Variants in RABGAP1L observed in about 807,000 individuals in gnomAD.
RABGAP1L encodes rab GTPase-activating protein 1-like.
A neutral mutation model predicts 137.7 loss-of-function variants in RABGAP1L; 63 were observed. That is an observed-to-expected ratio of 0.46 (90% confidence interval 0.37 to 0.56). The LOEUF is 0.56. RABGAP1L is among the 20% of genes least tolerant of loss of function. The pLI, the probability that RABGAP1L is intolerant of heterozygous loss-of-function variation, is 0.00. For missense variants in RABGAP1L, 1,095 were observed against 1,244.0 expected (o/e 0.88, Z 1.80); for synonymous variants, 431 against 433.7 (o/e 0.99, Z 0.08).
chr1:174,348,431 CTATTTATTTTT>C (rs1235646660), intron 11 of RABGAP1L, among the ~76,000 whole-genome samples: 1,832 of 150,580 alleles, frequency 0.012, 47 homozygotes, highest in African/African-American at 0.043. Context: ...TTTGTTGTTT[CTATTTATTTTT>C]TATTTATTTA....
chr1:174,360,768 TTTAA>T (rs944382939), intron 11 of RABGAP1L, among the ~76,000 whole-genome samples: 16 of 152,284 alleles, frequency 1.1e-4, no homozygotes, highest in African/African-American at 3.4e-4. Flanking sequence ...ATTCTTGATT[TTTAA>T]TTAATTAATT....
intron 13 of RABGAP1L, among the ~76,000 whole-genome samples, chr1:174,395,914 G>T (rs1647791160): frequency 6.6e-6 from 1 of 151,558 alleles, no homozygotes. Flanking sequence ...AATGATTGAT[G>T]AGTGGGACTG....
rs1490513265 is a variant in RABGAP1L, at chr1:174,732,244, C to T, written c.2170-20069C>T. 2.0e-5 allele frequency among the ~76,000 whole-genome samples: 3 copies of T among 150,896 alleles called. No homozygotes were observed. The East Asian group carries it at 5.8e-4, about 29-fold the overall frequency. ...ATTGTTAGACTTGAAAGTAACTCTA[C>T]AGGTAGTTTAAGCCAATACCCCTTA... On this transcript the variant is annotated intron_variant, in intron 17 of 25. Transcript: ENST00000681986.
intron 19 of RABGAP1L, among the ~76,000 whole-genome samples, chr1:174,846,482 G>A (rs1393808052): frequency 3.5e-5 from 5 of 142,632 alleles, no homozygotes; most frequent in Non-Finnish European, 6.2e-5. Context: ...ATTTCGTTAC[G>A]TACCCAGTAG....
At chr1:174,476,427 T>C (rs993628562) in intron 13 of RABGAP1L, among the ~76,000 whole-genome samples, 2 of 152,184 alleles carry the variant, frequency 1.3e-5, no homozygotes, top group African/African-American at 4.8e-5. Context: ...TCAGTTTTTT[T>C]CCTAATTTAT....
At chr1:174,204,857 G>C (rs562481891) in intron 1 of RABGAP1L, among the ~76,000 whole-genome samples, 3 of 152,204 alleles carry the variant, frequency 2.0e-5, no homozygotes, top group African/African-American at 7.2e-5. Flanking sequence ...GCTCCTCCAT[G>C]GTAAGATGTG....
chr1:174,372,141 T>C (rs936480007), intron 12 of RABGAP1L, among the ~76,000 whole-genome samples: 1 of 152,140 alleles, frequency 6.6e-6, no homozygotes, highest in Non-Finnish European at 1.5e-5. Context: ...AGAGAACTTA[T>C]TTAACTCATT....
chr1:174,436,245 T>A (rs1653283618), intron 13 of RABGAP1L, among the ~76,000 whole-genome samples: 1 of 152,214 alleles, frequency 6.6e-6, no homozygotes, highest in Non-Finnish European at 1.5e-5. Context: ...ACTTCCACAA[T>A]GGTTGAACTA....
chr1:174,189,284 C>T (rs749153728), intron 1 of RABGAP1L, among the ~76,000 whole-genome samples: 6 of 152,146 alleles, frequency 3.9e-5, no homozygotes, highest in Non-Finnish European at 8.8e-5. Context: ...GGATTACAGG[C>T]GTGAGCCACG....
intron 13 of RABGAP1L, among the ~76,000 whole-genome samples, chr1:174,569,734 C>A (rs1667844629): frequency 1.3e-5 from 2 of 152,136 alleles, no homozygotes; most frequent in Admixed American, 1.3e-4. Flanking sequence ...GAGATGGATT[C>A]AAGAATTCAG....
intron 13 of RABGAP1L, among the ~76,000 whole-genome samples, chr1:174,566,725 T>C (rs1416515663): frequency 3.9e-5 from 6 of 152,218 alleles, no homozygotes; most frequent in Non-Finnish European, 8.8e-5. Flanking sequence ...AAGAGTCTTT[T>C]GTATTTATGT....
At chr1:174,802,668 T>G (rs558973372) in intron 18 of RABGAP1L, among the ~76,000 whole-genome samples, 1 of 152,350 alleles carries the variant, frequency 6.6e-6, no homozygotes, top group South Asian at 2.1e-4. Context: ...ATCTCTGGCT[T>G]TGTTTTACAC....
At chr1:174,196,028 G>C (rs1214186037) in intron 1 of RABGAP1L, among the ~76,000 whole-genome samples, 1 of 150,458 alleles carries the variant, frequency 6.6e-6, no homozygotes, top group African/African-American at 2.4e-5. Flanking sequence ...GCAGAGACAG[G>C]GTTTCACCGT....
At chr1:174,170,442 C>G (rs1665264913) in intron 1 of RABGAP1L, among the ~76,000 whole-genome samples, 1 of 152,028 alleles carries the variant, frequency 6.6e-6, no homozygotes, top group Non-Finnish European at 1.5e-5. Flanking sequence ...CTTTGGAAGT[C>G]CGAGGCGGGC....
chr1:174,441,302 T>G (rs1654117198), intron 13 of RABGAP1L, among the ~76,000 whole-genome samples: 1 of 152,132 alleles, frequency 6.6e-6, no homozygotes, highest in Non-Finnish European at 1.5e-5. Context: ...TATGCCTAAT[T>G]TAAAAACAAA....
intron 22 of RABGAP1L, among the ~76,000 whole-genome samples, chr1:174,976,469 C>G (rs1670649376): frequency 6.6e-6 from 1 of 152,098 alleles, no homozygotes; most frequent in Non-Finnish European, 1.5e-5. Context: ...AGTTTAGTAA[C>G]TTGGAATTAT....
intron 19 of RABGAP1L, among the ~76,000 whole-genome samples, chr1:174,870,447 T>C: frequency 6.6e-6 from 1 of 152,184 alleles, no homozygotes; most frequent in East Asian, 1.9e-4. Flanking sequence ...GAGACATCAG[T>C]GTTTGAGAAA....
At chr1:174,703,492 G>A (rs1161425017) in intron 17 of RABGAP1L, among the ~76,000 whole-genome samples, 1 of 152,038 alleles carries the variant, frequency 6.6e-6, no homozygotes, top group African/African-American at 2.4e-5. Flanking sequence ...ATCCACTGAT[G>A]GACACTTAAC....
chr1:174,610,522 C>T (rs991902797), intron 13 of RABGAP1L, among the ~76,000 whole-genome samples: 5 of 152,020 alleles, frequency 3.3e-5, no homozygotes, highest in African/African-American at 4.8e-5. Flanking sequence ...CATACGTGTG[C>T]ACGTGTCTTT....
Sources: gnomAD v4.1 joint callset for allele counts (sites outside exome capture counted in the v4.1 genomes callset) on GRCh38, gnomAD v4.1.1 for gene constraint, MANE v1.5 for transcripts, NCBI Gene and HGNC (gene_info 2026-07-23, HGNC 2026-07-21) for gene names.